Variants in PTPRD observed in about 807,000 individuals in gnomAD.
PTPRD encodes the protein receptor-type tyrosine-protein phosphatase delta.
In PTPRD, 34 loss-of-function variants were observed where a neutral mutation model predicts 214.5. That is an observed-to-expected ratio of 0.16 (90% confidence interval 0.12 to 0.21). The LOEUF is 0.21. PTPRD is among the 10% of genes least tolerant of loss of function. PTPRD has a pLI of 1.00. For synonymous variants in PTPRD, 1,128 were observed against 845.7 expected, an observed-to-expected ratio of 1.33 and a Z score of -5.79; for missense variants, 2,545 against 2,398.7, an observed-to-expected ratio of 1.06 and a Z score of -1.27.
At chr9:8,704,951 A>G (rs1408443559) in intron 12 of PTPRD, among the ~76,000 whole-genome samples, 1 of 151,988 alleles carries the variant, frequency 6.6e-6, no homozygotes, top group African/African-American at 2.4e-5. Context: ...ATAAAAAGAA[A>G]TAAAAGAAAG....
At chr9:9,835,636 G>T (rs2056533561) in intron 5 of PTPRD, among the ~76,000 whole-genome samples, 1 of 152,100 alleles carries the variant, frequency 6.6e-6, no homozygotes, top group Admixed American at 6.6e-5. Context: ...ATTTGACAGA[G>T]TCTGAGTATG....
chr9:10,135,167 C>T (rs1174198972), intron 3 of PTPRD, among the ~76,000 whole-genome samples: 3 of 151,866 alleles, frequency 2.0e-5, no homozygotes, highest in Admixed American at 1.3e-4. Flanking sequence ...CTTAGTCAGG[C>T]AAAAATAAAG....
intron 2 of PTPRD, among the ~76,000 whole-genome samples, chr9:10,597,494 G>A (rs750406836): frequency 2.6e-5 from 4 of 151,756 alleles, no homozygotes; most frequent in African/African-American, 7.2e-5. Context: ...TATCAAATTA[G>A]TAGAAATCAA....
chr9:8,642,803 T>A (rs1417046782), intron 12 of PTPRD, among the ~76,000 whole-genome samples: 5 of 152,140 alleles, frequency 3.3e-5, no homozygotes, highest in Admixed American at 2.0e-4. Flanking sequence ...GGATGATAGG[T>A]TTTTGTTATA....
intron 11 of PTPRD, among the ~76,000 whole-genome samples, chr9:8,794,632 T>G (rs1272650964): frequency 6.6e-6 from 1 of 151,692 alleles, no homozygotes; most frequent in African/African-American, 2.4e-5. Context: ...GCATGTGTCA[T>G]GGCCCCCAGC....
intron 9 of PTPRD, among the ~76,000 whole-genome samples, chr9:9,355,868 T>C (rs915420350): frequency 6.6e-6 from 1 of 151,244 alleles, no homozygotes; most frequent in Non-Finnish European, 1.5e-5. Flanking sequence ...GAGAAACCAG[T>C]GAAACAGAAG....
At chr9:9,019,300 G>GAAAGAAAGAAAGAAAGA (rs1569428204) in intron 10 of PTPRD, among the ~76,000 whole-genome samples, 5 of 63,270 alleles carry the variant, frequency 7.9e-5, no homozygotes, top group African/African-American at 3.2e-4. Flanking sequence ...AAGAAAGAAA[G>GAAAGAAAGAAAGAAAGA]AAAGAAAGAA....
chr9:10,180,632 T>G (rs903734067), intron 3 of PTPRD, among the ~76,000 whole-genome samples: 57 of 147,630 alleles, frequency 3.9e-4, no homozygotes, highest in African/African-American at 1.4e-3. Flanking sequence ...ACTCATGGGC[T>G]AATTTACTTT....
intron 3 of PTPRD, among the ~76,000 whole-genome samples, chr9:10,272,132 G>C (rs538536807): frequency 6.6e-6 from 1 of 152,020 alleles, no homozygotes; most frequent in East Asian, 1.9e-4. Flanking sequence ...AATCATAAAC[G>C]TGCTTTCTCT....
chr9:9,527,643 G>C (rs1010048168), intron 8 of PTPRD, among the ~76,000 whole-genome samples: 5 of 151,970 alleles, frequency 3.3e-5, no homozygotes, highest in Admixed American at 1.3e-4. Flanking sequence ...CTTCTCTTAT[G>C]TATAATAACT....
chr9:9,601,095 G>C (rs927604598), intron 7 of PTPRD, among the ~76,000 whole-genome samples: 1 of 135,442 alleles, frequency 7.4e-6, no homozygotes, highest in South Asian at 2.5e-4. Flanking sequence ...AATACACTGG[G>C]AAAAGAGATT....
At chr9:8,824,588 G>C in intron 11 of PTPRD, among the ~76,000 whole-genome samples, 1 of 90,034 alleles carries the variant, frequency 1.1e-5, no homozygotes, top group East Asian at 2.6e-4. Context: ...TTTCACAAGA[G>C]TAAAGCAAAA....
At chr9:10,094,591 G>A (rs1431358760) in intron 3 of PTPRD, among the ~76,000 whole-genome samples, 7 of 126,904 alleles carry the variant, frequency 5.5e-5, no homozygotes, top group African/African-American at 1.5e-4. Flanking sequence ...AGAGAAACCC[G>A]TTATCTTATT....
intron 12 of PTPRD, among the ~76,000 whole-genome samples, chr9:8,659,185 T>A (rs2096978765): frequency 6.6e-6 from 1 of 152,174 alleles, no homozygotes; most frequent in Non-Finnish European, 1.5e-5. Context: ...ATATCCACAT[T>A]TTTGCTAGCC....
chr9:9,902,275 C>G (rs561339205), intron 5 of PTPRD, among the ~76,000 whole-genome samples: 1 of 152,092 alleles, frequency 6.6e-6, no homozygotes, highest in Admixed American at 6.6e-5. Context: ...TCACTGTGTT[C>G]TAATTTATGT....
chr9:8,333,693 G>C (rs531687719), intron 43 of PTPRD, among the ~76,000 whole-genome samples: 7 of 152,176 alleles, frequency 4.6e-5, no homozygotes, highest in Middle Eastern at 3.4e-3. Context: ...AATCAAATTT[G>C]CATATAACAA....
In PTPRD at chr9:8,533,905, C is replaced by T. The variant is rs138848529; in HGVS notation, c.353-5126G>A. Among the ~76,000 whole-genome samples, 498 of 152,124 alleles carry T rather than the reference C, an allele frequency of 3.3e-3. 3 individuals are homozygous for T. The highest frequency in any genetic ancestry group is 0.012 in the African/African-American group (482 of 41,536). ...AAATACCATTCCTCAATGCCACTCA[C>T]TGAAACAGTCATTCTTCAACTGTTT... On this transcript the variant is annotated intron_variant, in intron 14 of 45. Transcript: ENST00000381196.
chr9:10,410,429 C>A (rs960217536), intron 2 of PTPRD, among the ~76,000 whole-genome samples: 6 of 151,142 alleles, frequency 4.0e-5, no homozygotes, highest in African/African-American at 1.5e-4. Flanking sequence ...CAGCAGTAAG[C>A]TAGGACATCT....
intron 2 of PTPRD, among the ~76,000 whole-genome samples, chr9:10,380,576 T>C (rs193069041): frequency 6.6e-6 from 1 of 152,122 alleles, no homozygotes; most frequent in African/African-American, 2.4e-5. Context: ...CCATCATGTG[T>C]CCCACAGTTT....
Sources: allele counts gnomAD v4.1 joint callset (sites outside exome capture counted in the v4.1 genomes callset), GRCh38; gene constraint gnomAD v4.1.1; transcripts MANE v1.5; gene names NCBI Gene and HGNC (gene_info 2026-07-23, HGNC 2026-07-21).